Variants in NAXD observed in about 807,000 individuals in gnomAD.
The protein encoded by NAXD is ATP-dependent (S)-NAD(P)H-hydrate dehydratase.
A neutral mutation model predicts 35.8 loss-of-function variants in NAXD; 22 were observed. The ratio of observed to expected loss-of-function variants is 0.62; its 90% CI spans 0.44 to 0.88. The LOEUF (loss-of-function observed/expected upper bound fraction) is 0.88, where lower values mean the gene tolerates loss of function less well. Ranked by LOEUF, NAXD falls within the 40% of genes least tolerant of loss-of-function variation. NAXD has a pLI of 0.00. For synonymous variants in NAXD, 189 were observed against 177.6 expected, an observed-to-expected ratio of 1.06 and a Z score of -0.51; for missense variants, 428 against 437.7, an observed-to-expected ratio of 0.98 and a Z score of 0.20.
intron 9 of NAXD, among the ~76,000 whole-genome samples, chr13:110,637,985 C>T (rs990616241): frequency 6.6e-6 from 1 of 152,186 alleles, no homozygotes; most frequent in Non-Finnish European, 1.5e-5. Context: ...CCACCCCTCC[C>T]CCAGGAGATG....
intron 8 of NAXD, 94 bp from the exon 9 acceptor site, chr13:110,637,035 C>A: frequency 1.4e-6 from 2 of 1,417,632 alleles, no homozygotes; most frequent in South Asian, 1.5e-5. Context: ...GAGGGTGTGG[C>A]TCTGCCTGCC....
At chr13:110,629,051 C>T (rs1886608452) in intron 5 of NAXD, among the ~76,000 whole-genome samples, 1 of 152,232 alleles carries the variant, frequency 6.6e-6, no homozygotes, top group Admixed American at 6.5e-5. Flanking sequence ...GTCTTGAGAG[C>T]CCTCAGGTCA....
In NAXD at chr13:110,637,032, T is replaced by C. The variant is rs116033188; in HGVS notation, c.719-97T>C. On this transcript the variant is annotated intron_variant, in intron 8 of 9. Transcript: ENST00000680254. ...AGCCTCAGGCTGCTCCTGGAGGGTG[T>C]GGCTCTGCCTGCCGTGCGGCCTTCC... 3.5e-3 allele frequency: 4,840 copies of C among 1,402,680 alleles called. 141 individuals carry two copies. The African/African-American group carries it at 0.062, about 18-fold the overall frequency. 86.9% of individuals were successfully genotyped at this position (1,402,680 alleles called of 1,614,324 possible). A position where few individuals can be genotyped will look rare whatever the true frequency, so the allele number is the denominator to read the frequency against.
At chr13:110,615,790 C>T (rs1291005428) in intron 1 of NAXD, 143 bp downstream of exon 1, 3 of 1,351,264 alleles carry the variant, frequency 2.2e-6, no homozygotes, top group Non-Finnish European at 1.9e-6. Context: ...CGACCGCTGA[C>T]CGCCTCTGCT....
chr13:110,631,222 CTT>C (rs1443866795), intron 5 of NAXD, among the ~76,000 whole-genome samples: 3 of 152,176 alleles, frequency 2.0e-5, no homozygotes, highest in Admixed American at 1.3e-4. Flanking sequence ...GTCCTGGAGA[CTT>C]TTTCATGGAA....
chr13:110,637,740 T>G (rs1886987790), intron 9 of NAXD: 1 of 460,788 alleles, frequency 2.2e-6, no homozygotes, highest in Non-Finnish European at 4.3e-6. Flanking sequence ...CATCTCCATT[T>G]CTCTTCTGTG....
intron 1 of NAXD, among the ~76,000 whole-genome samples, chr13:110,620,052 G>T (rs1222518404): frequency 6.6e-6 from 1 of 151,982 alleles, no homozygotes; most frequent in Non-Finnish European, 1.5e-5. Context: ...ACCCACCTTG[G>T]CCTCCCAAAG....
chr13:110,623,040 G>A (rs1449173721), intron 2 of NAXD, among the ~76,000 whole-genome samples: 1 of 152,114 alleles, frequency 6.6e-6, no homozygotes, highest in Non-Finnish European at 1.5e-5. Context: ...CCCCCATTGC[G>A]TTAGTGTGTG....
At chr13:110,617,506 A>T (rs575557911) in intron 1 of NAXD, among the ~76,000 whole-genome samples, 1 of 152,324 alleles carries the variant, frequency 6.6e-6, no homozygotes, top group Non-Finnish European at 1.5e-5. Flanking sequence ...AGCCAGCTGG[A>T]ACTTGCTTCA....
rs756802955 is a variant in NAXD, at chr13:110,638,248, A to T, written c.840-130A>T. The T allele has an allele frequency of 4.5e-6, 7 of 1,568,636 alleles. No homozygotes were observed. Among genetic ancestry groups the T allele is most frequent in the Admixed American group, 1.9e-5 (1 of 53,602 alleles). On this transcript the variant is annotated intron_variant, in intron 9 of 9. Coordinates refer to ENST00000680254, the MANE Select transcript of NAXD (RefSeq NM_001242882.2). This position sits in a 1 kb window ranked among gnomAD's most constrained non-coding sequence, Gnocchi z 5.4. The stretch of plus-strand genomic sequence containing the variant: ...AAACCTGCTTTCTCCTCAGGGGCAT[A>T]TCAGACTTGAAATTGACAATTTGGG...
chr13:110,622,568 A>G (rs383382), intron 2 of NAXD, among the ~76,000 whole-genome samples: 152,206 of 152,358 alleles, frequency 1, 76,027 homozygotes, highest in Middle Eastern at 1. Context: ...TTACTCCCTC[A>G]TGTGTGTCAG....
chr13:110,625,869 C>T (rs1292714073), intron 4 of NAXD, among the ~76,000 whole-genome samples: 1 of 152,174 alleles, frequency 6.6e-6, no homozygotes, highest in Non-Finnish European at 1.5e-5. Flanking sequence ...TTGGGCTGTG[C>T]TGCTCTGGAG....
intron 1 of NAXD, 89 bp downstream of exon 1, chr13:110,615,736 C>T (rs1290618678): frequency 4.0e-6 from 6 of 1,494,086 alleles, no homozygotes; most frequent in Non-Finnish European, 5.3e-6. Context: ...GCATTGCTCT[C>T]GGCCGCACTC....
chr13:110,638,399 C>T lies in NAXD; in HGVS notation c.861C>T (p.Ala287=), dbSNP rs369081588. Reference sequence around the variant, plus strand: ...GCAGGTCCAGCCCTCTCCTGGTGGCCGCGTTTGGCGCCTGCTCTCTCACCA... The same window carrying T: ...GCAGGTCCAGCCCTCTCCTGGTGGCTGCGTTTGGCGCCTGCTCTCTCACCA... ...KTNGSSPLLV[A]AFGACSLTRQ... The change falls in exon 10 of 10, where the codon GCC becomes GCT. Residue 287 remains alanine, a synonymous_variant. Transcript: ENST00000680254. This position sits in a 1 kb window ranked among gnomAD's most constrained non-coding sequence, Gnocchi z 5.4. The T allele has an allele frequency of 3.9e-5, 63 of 1,613,738 alleles. No individual in the cohort carries two copies. Among genetic ancestry groups the T allele is most frequent in the Admixed American group, 3.8e-4 (23 of 60,018 alleles).
intron 1 of NAXD, among the ~76,000 whole-genome samples, chr13:110,618,172 A>T (rs144730328): frequency 6.6e-6 from 1 of 152,230 alleles, no homozygotes; most frequent in South Asian, 2.1e-4. Context: ...AAAAGTTACT[A>T]TTAATTATAT....
chr13:110,629,095 C>T (rs1337604122), intron 5 of NAXD, among the ~76,000 whole-genome samples: 1 of 152,200 alleles, frequency 6.6e-6, no homozygotes, highest in Non-Finnish European at 1.5e-5. Flanking sequence ...CGTCAGCTTC[C>T]AGCTCGTGTC....
intron 5 of NAXD, among the ~76,000 whole-genome samples, chr13:110,630,870 C>T (rs1298032885): frequency 6.6e-6 from 1 of 152,166 alleles, no homozygotes; most frequent in Non-Finnish European, 1.5e-5. Context: ...TTGATCTGTA[C>T]AGCTGTCCTG....
In NAXD at chr13:110,639,855, T is replaced by C. The variant is rs965241667; in HGVS notation, c.*1327T>C. ...TCAAGATTAAAAAAAAGATTGTCACTACTAATTTGACGCCTAACTTCAGAA... is the reference window on the plus strand; with the variant it reads ...TCAAGATTAAAAAAAAGATTGTCACCACTAATTTGACGCCTAACTTCAGAA... On this transcript the variant is annotated 3_prime_UTR_variant, in exon 10 of 10. Coordinates refer to ENST00000680254, the MANE Select transcript of NAXD (RefSeq NM_001242882.2). The C allele has an allele frequency of 4.6e-5, 7 of 152,202 alleles. No individual in the cohort carries two copies. Among genetic ancestry groups the C allele is most frequent in the Non-Finnish European group, 1.0e-4 (7 of 68,032 alleles). 9.4% of individuals were successfully genotyped at this position (152,202 alleles called of 1,614,324 possible). A position where few individuals can be genotyped will look rare whatever the true frequency, so the allele number is the denominator to read the frequency against.
At chr13:110,618,842 A>G (rs992317578) in intron 1 of NAXD, among the ~76,000 whole-genome samples, 2 of 152,248 alleles carry the variant, frequency 1.3e-5, no homozygotes, top group African/African-American at 2.4e-5. Context: ...CAAAAAGATC[A>G]GAAAGGTGCT....
Sources: allele counts gnomAD v4.1 joint callset (sites outside exome capture counted in the v4.1 genomes callset), GRCh38; gene constraint gnomAD v4.1.1; non-coding constraint Gnocchi (gnomAD v3.1); transcripts MANE v1.5; gene names NCBI Gene and HGNC (gene_info 2026-07-23, HGNC 2026-07-21).